STMND1: variants seen among roughly 807,000 people sequenced by gnomAD.
The protein encoded by STMND1 is stathmin domain-containing protein 1.
Under a neutral mutation model 23.0 loss-of-function variants are expected in STMND1, and 17 were observed. The ratio of observed to expected loss-of-function variants is 0.74; its 90% CI spans 0.51 to 1.11. The LOEUF (loss-of-function observed/expected upper bound fraction) is 1.11, where lower values mean the gene tolerates loss of function less well. STMND1 is among the 50% of genes least tolerant of loss of function. The pLI is 0.00. For synonymous variants in STMND1, 114 were observed against 119.9 expected (o/e 0.95, Z 0.32); for missense variants, 305 against 329.1 (o/e 0.93, Z 0.57).
At chr6:17,114,724 T>C (rs569514475) in intron 1 of STMND1, among the ~76,000 whole-genome samples, 3 of 152,296 alleles carry the variant, frequency 2.0e-5, no homozygotes, top group East Asian at 3.9e-4. Flanking sequence ...TAAATAAAGA[T>C]GAAGCTTCGC....
intron 1 of STMND1, among the ~76,000 whole-genome samples, chr6:17,107,558 G>A (rs1203095351): frequency 1.3e-5 from 2 of 151,922 alleles, no homozygotes; most frequent in Non-Finnish European, 2.9e-5. Context: ...ATAATATGCA[G>A]GTATACTTCT....
chr6:17,106,037 G>A (rs908886640), intron 1 of STMND1, among the ~76,000 whole-genome samples: 5 of 152,158 alleles, frequency 3.3e-5, no homozygotes, highest in African/African-American at 4.8e-5. Context: ...CACTCACACC[G>A]TAGACAAACC....
At chr6:17,122,374 G>A (rs756251434) in intron 3 of STMND1, among the ~76,000 whole-genome samples, 6 of 151,866 alleles carry the variant, frequency 4.0e-5, no homozygotes, top group Non-Finnish European at 7.4e-5. Context: ...ATAAATGAAT[G>A]AAAAAGAAAA....
intron 2 of STMND1, among the ~76,000 whole-genome samples, chr6:17,117,782 C>T (rs1761180424): frequency 6.9e-6 from 1 of 144,496 alleles, no homozygotes. Context: ...TTCAAGCAAG[C>T]AATTCTGTCT....
At chr6:17,112,703 G>A (rs894754300) in intron 1 of STMND1, among the ~76,000 whole-genome samples, 18 of 152,122 alleles carry the variant, frequency 1.2e-4, no homozygotes, top group Non-Finnish European at 2.1e-4. Context: ...CGTGAACCCG[G>A]GAGGCAGAGC....
chr6:17,127,218 A>C (rs1761319874), intron 3 of STMND1, among the ~76,000 whole-genome samples: 1 of 152,244 alleles, frequency 6.6e-6, no homozygotes, highest in Non-Finnish European at 1.5e-5. Context: ...TTTACAAATG[A>C]GGAAACCATA....
intron 1 of STMND1, among the ~76,000 whole-genome samples, chr6:17,102,715 G>A (rs180809636): frequency 1.5e-4 from 23 of 152,246 alleles, no homozygotes; most frequent in African/African-American, 4.6e-4. Context: ...CGTGATTCTC[G>A]AGGGAAGGTT....
chr6:17,126,058 ATATATATATATATTTTTTTT>A (rs1162396085), intron 3 of STMND1, among the ~76,000 whole-genome samples: 6 of 23,112 alleles, frequency 2.6e-4, no homozygotes, highest in Non-Finnish European at 3.9e-4. Context: ...ATATATATAT[ATATATATATATATTTTTTTT>A]TTTTTTTTTT....
intron 2 of STMND1, among the ~76,000 whole-genome samples, chr6:17,117,334 G>T (rs1278479294): frequency 6.6e-6 from 1 of 152,160 alleles, no homozygotes; most frequent in Non-Finnish European, 1.5e-5. Context: ...CTCTCAAAGT[G>T]CTGGGATTAC....
chr6:17,129,541 T>TA (rs57864358), intron 4 of STMND1, among the ~76,000 whole-genome samples: 2,296 of 130,786 alleles, frequency 0.018, 28 homozygotes, highest in East Asian at 0.047. Context: ...GAGGCTGATT[T>TA]AAAAAAAAAA....
chr6:17,120,086 CTT>C (rs1428090500), intron 2 of STMND1, among the ~76,000 whole-genome samples: 5 of 152,250 alleles, frequency 3.3e-5, no homozygotes, highest in Admixed American at 6.5e-5. Flanking sequence ...TTCAAAGACT[CTT>C]TTCAAAAAGG....
At chr6:17,116,262 G>A (rs1403918972) in intron 2 of STMND1, among the ~76,000 whole-genome samples, 2 of 152,120 alleles carry the variant, frequency 1.3e-5, no homozygotes, top group Non-Finnish European at 2.9e-5. Flanking sequence ...GAGGAAGTCA[G>A]CCACCAAAGC....
intron 3 of STMND1, among the ~76,000 whole-genome samples, chr6:17,121,027 G>T (rs1184941391): frequency 6.6e-6 from 1 of 152,144 alleles, no homozygotes; most frequent in South Asian, 2.1e-4. Context: ...CATGGAGGTG[G>T]TTTCCCCTAT....
Position 17,111,796 on chromosome 6 carries a change from C to A in STMND1, c.82-3166C>A, listed in dbSNP as rs140865875. On this transcript the variant is annotated intron_variant, in intron 1 of 4. Coordinates refer to ENST00000536551, the MANE Select transcript of STMND1 (RefSeq NM_001190766.2). ...GGTAAATTTTAAAATACAGAAATTT[C>A]TTTCTCATAGGAAGTCCAAGATCAA... 1.2e-3 allele frequency among the ~76,000 whole-genome samples: 186 copies of A among 152,276 alleles called. 2 individuals are homozygous for A. The East Asian group carries it at 0.034, about 27-fold the overall frequency.
At chr6:17,120,185 G>C (rs578110389) in intron 2 of STMND1, among the ~76,000 whole-genome samples, 1 of 152,276 alleles carries the variant, frequency 6.6e-6, no homozygotes, top group Admixed American at 6.5e-5. Context: ...ACATCACGCT[G>C]TTTATCCTTT....
At chr6:17,103,716 C>T (rs921292052) in intron 1 of STMND1, among the ~76,000 whole-genome samples, 25 of 152,076 alleles carry the variant, frequency 1.6e-4, no homozygotes, top group Middle Eastern at 3.4e-3. Context: ...GGATGACAGG[C>T]GTGCGCCACC....
At chr6:17,105,325 A>G (rs1239160103) in intron 1 of STMND1, among the ~76,000 whole-genome samples, 2 of 152,206 alleles carry the variant, frequency 1.3e-5, no homozygotes, top group East Asian at 1.9e-4. Context: ...TAAGTGCATG[A>G]TGTAAATTAT....
chr6:17,110,634 G>A, intron 1 of STMND1: 1 of 322,812 alleles, frequency 3.1e-6, no homozygotes, highest in South Asian at 2.5e-5. Flanking sequence ...CGGGCGTGGT[G>A]GTGCGCTCCT....
chr6:17,126,693 T>C (rs143841989), intron 3 of STMND1, among the ~76,000 whole-genome samples: 6 of 152,300 alleles, frequency 3.9e-5, no homozygotes, highest in Non-Finnish European at 4.4e-5. Context: ...GTCATAAAAA[T>C]AATACAAAAT....
Sources: gnomAD v4.1 joint callset for allele counts (sites outside exome capture counted in the v4.1 genomes callset) on GRCh38, gnomAD v4.1.1 for gene constraint, MANE v1.5 for transcripts, NCBI Gene and HGNC (gene_info 2026-07-23, HGNC 2026-07-21) for gene names.